Variants in SLC25A21 observed in about 807,000 individuals in gnomAD.
The protein encoded by SLC25A21 is mitochondrial 2-oxodicarboxylate carrier.
In SLC25A21, 47 loss-of-function variants were observed where a neutral mutation model predicts 43.8. The observed-to-expected ratio is 1.07, with a 90% CI of 0.85 to 1.37. The LOEUF is 1.37. Ranked by LOEUF, SLC25A21 falls within the 40% of genes most tolerant of loss-of-function variation. The pLI is 0.00. For synonymous variants in SLC25A21, 131 were observed against 121.3 expected (o/e 1.08, Z -0.52); for missense variants, 352 against 350.2 (o/e 1.00, Z -0.04).
intron 3 of SLC25A21, among the ~76,000 whole-genome samples, chr14:36,804,184 C>T (rs974106339): frequency 2.0e-5 from 3 of 152,152 alleles, no homozygotes; most frequent in East Asian, 3.9e-4. Flanking sequence ...TTTTCTTGTA[C>T]ATAGACCAGA....
chr14:36,685,288 C>T (rs1183670643), intron 7 of SLC25A21, among the ~76,000 whole-genome samples: 1 of 152,122 alleles, frequency 6.6e-6, no homozygotes, highest in African/African-American at 2.4e-5. Flanking sequence ...AGCTAATTGG[C>T]CAGAATATTT....
chr14:36,708,707 G>A (rs546857134), intron 7 of SLC25A21, among the ~76,000 whole-genome samples: 1 of 151,422 alleles, frequency 6.6e-6, no homozygotes, highest in Non-Finnish European at 1.5e-5. Flanking sequence ...GAGTAGTTGG[G>A]ACTACAGATG....
intron 1 of SLC25A21, among the ~76,000 whole-genome samples, chr14:37,162,508 G>A (rs2138950973): frequency 7.7e-6 from 1 of 129,086 alleles, no homozygotes; most frequent in East Asian, 2.3e-4. Flanking sequence ...CTCAAAAGAA[G>A]ACATTTATGC....
chr14:37,075,250 T>C (rs933149149), intron 1 of SLC25A21, among the ~76,000 whole-genome samples: 3 of 152,132 alleles, frequency 2.0e-5, no homozygotes, highest in African/African-American at 7.2e-5. Context: ...ACTTCATGGG[T>C]GGTTCTTGGT....
intron 1 of SLC25A21, among the ~76,000 whole-genome samples, chr14:37,047,146 A>G (rs992567279): frequency 1.3e-5 from 2 of 152,164 alleles, no homozygotes; most frequent in African/African-American, 4.8e-5. Flanking sequence ...GGGTTTGGAG[A>G]GACATGGGGC....
At chr14:36,821,147 C>A (rs559315832) in intron 2 of SLC25A21, among the ~76,000 whole-genome samples, 1 of 152,224 alleles carries the variant, frequency 6.6e-6, no homozygotes, top group East Asian at 1.9e-4. Flanking sequence ...CCGACCTCAC[C>A]AACTCTGGGC....
intron 1 of SLC25A21, among the ~76,000 whole-genome samples, chr14:36,938,268 A>G (rs553593459): frequency 1.3e-5 from 2 of 152,284 alleles, no homozygotes; most frequent in South Asian, 4.1e-4. Flanking sequence ...ATGGTAACAA[A>G]TCAACTCCCC....
At chr14:37,038,299 G>A (rs1961372411) in intron 1 of SLC25A21, among the ~76,000 whole-genome samples, 1 of 152,012 alleles carries the variant, frequency 6.6e-6, no homozygotes, top group South Asian at 2.1e-4. Context: ...ATATTTGTTG[G>A]TAGAAAAATG....
Position 36,734,469 on chromosome 14 carries a change from C to A in SLC25A21, c.270+38G>T, listed in dbSNP as rs761052700. On this transcript the variant is annotated intron_variant, in intron 4 of 9. Transcript: ENST00000331299. ...TTGTTGTGCTGAAGCTGTTACTGTG[C>A]CCTACTTTTGCTTGGTGCGAACGCA... The A allele has an allele frequency of 4.2e-5, 64 of 1,536,046 alleles. No homozygotes were observed. The South Asian group carries it at 7.0e-4, about 17-fold the overall frequency.
At chr14:37,148,746 G>C (rs963365583) in intron 1 of SLC25A21, among the ~76,000 whole-genome samples, 1 of 152,110 alleles carries the variant, frequency 6.6e-6, no homozygotes, top group Admixed American at 6.6e-5. Flanking sequence ...CTCTTCCTTA[G>C]AGGGGCTCAC....
intron 3 of SLC25A21, among the ~76,000 whole-genome samples, chr14:36,751,644 C>A (rs896380574): frequency 6.6e-6 from 1 of 152,168 alleles, no homozygotes; most frequent in African/African-American, 2.4e-5. Flanking sequence ...GTTTTCAGGA[C>A]CATTCACTTA....
rs189255076 is a variant in SLC25A21, at chr14:36,707,390, A to G, written c.603+3928T>C. Among the ~76,000 whole-genome samples the G allele has an allele frequency of 2.7e-4, 41 of 152,280 alleles. 1 individual carries two copies. The East Asian group carries it at 5.8e-3, about 22-fold the overall frequency. On this transcript the variant is annotated intron_variant, in intron 7 of 9. Transcript: ENST00000331299. ...GGTGCTTGGCACATGTTAGACACTC[A>G]ATAAATATGGGTTCAATGATGACTG... is the stretch of plus-strand genomic sequence containing the variant.
intron 1 of SLC25A21, among the ~76,000 whole-genome samples, chr14:36,982,630 C>T (rs1960054763): frequency 6.6e-6 from 1 of 152,024 alleles, no homozygotes; most frequent in African/African-American, 2.4e-5. Context: ...GCCTGACCAA[C>T]ATGGCAAAAC....
At chr14:36,704,294 T>C (rs1463611712) in intron 7 of SLC25A21, among the ~76,000 whole-genome samples, 1 of 152,210 alleles carries the variant, frequency 6.6e-6, no homozygotes, top group Non-Finnish European at 1.5e-5. Flanking sequence ...TTACGTTATC[T>C]GGACATTTCA....
At chr14:37,123,267 A>G (rs1963241457) in intron 1 of SLC25A21, among the ~76,000 whole-genome samples, 1 of 152,214 alleles carries the variant, frequency 6.6e-6, no homozygotes, top group Admixed American at 6.5e-5. Flanking sequence ...GGCTTGGTGT[A>G]CCTGCTGTGG....
At chr14:36,954,639 A>G (rs1299828852) in intron 1 of SLC25A21, among the ~76,000 whole-genome samples, 1 of 152,110 alleles carries the variant, frequency 6.6e-6, no homozygotes, top group Non-Finnish European at 1.5e-5. Flanking sequence ...ATAACAATGT[A>G]TTGTATTTTC....
intron 2 of SLC25A21, among the ~76,000 whole-genome samples, chr14:36,814,761 C>T (rs1047768523): frequency 3.3e-5 from 5 of 152,082 alleles, no homozygotes; most frequent in African/African-American, 7.2e-5. Flanking sequence ...GACAGTGTGG[C>T]GATTCCTCAA....
chr14:36,698,376 T>C (rs1051223737), intron 7 of SLC25A21, among the ~76,000 whole-genome samples: 10 of 152,202 alleles, frequency 6.6e-5, no homozygotes, highest in African/African-American at 2.4e-4. Context: ...TTGGTGAATC[T>C]GACAATTATG....
chr14:36,981,347 C>T (rs1375028321), intron 1 of SLC25A21, among the ~76,000 whole-genome samples: 1 of 152,170 alleles, frequency 6.6e-6, no homozygotes, highest in African/African-American at 2.4e-5. Flanking sequence ...GGTCTATACC[C>T]AGAGGATTAT....
Sources: allele counts gnomAD v4.1 joint callset (sites outside exome capture counted in the v4.1 genomes callset), GRCh38; gene constraint gnomAD v4.1.1; transcripts MANE v1.5; gene names NCBI Gene and HGNC (gene_info 2026-07-23, HGNC 2026-07-21).